The following HNRNPD variants were observed in gnomAD, a reference collection of about 807,000 sequenced individuals.
HNRNPD encodes the protein heterogeneous nuclear ribonucleoprotein D0.
HNRNPD carries 3 observed loss-of-function variants against 47.9 expected under a neutral mutation model. The observed-to-expected ratio is 0.06, with a 90% CI of 0.03 to 0.16. HNRNPD has a LOEUF of 0.16. Ranked by LOEUF, HNRNPD falls within the 10% of genes least tolerant of loss-of-function variation. HNRNPD has a pLI of 1.00. For missense variants in HNRNPD, 287 were observed against 454.2 expected (o/e 0.63, Z 3.35); for synonymous variants, 171 against 165.1 (o/e 1.04, Z -0.28).
chr4:82,360,582 T>A (rs1376027379), intron 2 of HNRNPD, among the ~76,000 whole-genome samples: 1 of 152,120 alleles, frequency 6.6e-6, no homozygotes, highest in East Asian at 1.9e-4. Flanking sequence ...TCAGAATTTG[T>A]TACATAATGG....
chr4:82,357,502 A>G, intron 4 of HNRNPD, 58 bp from the exon 5 acceptor site: 4 of 1,476,044 alleles, frequency 2.7e-6, no homozygotes, highest in Non-Finnish European at 1.8e-6. Flanking sequence ...CCTTAAAAGA[A>G]ACACAAGTTT....
chr4:82,373,526 G>A lies in HNRNPD; in HGVS notation c.153C>T (p.Thr51=). ...TGCCCCCTTCGGTGCCTCCAGACGC[G>A]GTTCCGCCCCCGGTCCCGGCTCCGC... The part of the protein sequence containing the change: ...AGSGAGTGGG[T]ASGGTEGGSA... Residue 51 remains threonine, a synonymous_variant, in exon 1 of 9, where the codon ACC becomes ACT. Coordinates refer to ENST00000313899, the MANE Select transcript of HNRNPD (RefSeq NM_031370.3). 1 of 1,542,712 alleles carries A rather than the reference G, an allele frequency of 6.5e-7. No individual in the cohort carries two copies. The highest frequency in any genetic ancestry group is 8.7e-7 in the Non-Finnish European group (1 of 1,143,646).
chr4:82,371,505 G>A (rs927953609), intron 2 of HNRNPD, 23 bp downstream of exon 2: 3 of 1,586,752 alleles, frequency 1.9e-6, no homozygotes, highest in Middle Eastern at 1.7e-4. Flanking sequence ...TTATAATACA[G>A]AAATAAAATT....
intron 2 of HNRNPD, among the ~76,000 whole-genome samples, chr4:82,366,695 T>C (rs1239389585): frequency 6.6e-6 from 1 of 151,944 alleles, no homozygotes; most frequent in Non-Finnish European, 1.5e-5. Flanking sequence ...GCCTCCTGAG[T>C]GACTACAGGC....
chr4:82,355,430 AC>A, intron 7 of HNRNPD, 29 bp from the exon 8 acceptor site: 3 of 1,523,300 alleles, frequency 2.0e-6, no homozygotes, highest in Non-Finnish European at 2.7e-6. Flanking sequence ...TAGAACCAGA[AC>A]GGTAGTGGTT....
rs1443851923 is a variant in HNRNPD at position 82,353,435 on chromosome 4, AAC to A, written c.*748_*749del. On this transcript the variant is annotated 3_prime_UTR_variant, in exon 9 of 9. Coordinates refer to ENST00000313899, the MANE Select transcript of HNRNPD (RefSeq NM_031370.3). Reference sequence around the variant, plus strand: ...AACTAGCCGCATTTCTATTATAATTAACAGATTTTAAGTCCTTTTTATTTAAT... The same window carrying A: ...AACTAGCCGCATTTCTATTATAATTAAGATTTTAAGTCCTTTTTATTTAAT... 2.0e-5 allele frequency: 3 copies of A among 152,422 alleles called. No individual in the cohort carries two copies. Among genetic ancestry groups the A allele is most frequent in the Non-Finnish European group, 4.4e-5 (3 of 68,026 alleles). 9.4% of individuals were successfully genotyped at this position (152,422 alleles called of 1,614,324 possible). A position where few individuals can be genotyped will look rare whatever the true frequency, so the allele number is the denominator to read the frequency against.
chr4:82,371,985 A>C (rs1016145877), intron 1 of HNRNPD, among the ~76,000 whole-genome samples: 3 of 152,164 alleles, frequency 2.0e-5, no homozygotes, highest in Admixed American at 2.0e-4. Flanking sequence ...GAATCTGCCT[A>C]GGCTGGGCTT....
chr4:82,365,102 GCTAGT>G (rs1719685679), intron 2 of HNRNPD, among the ~76,000 whole-genome samples: 1 of 151,936 alleles, frequency 6.6e-6, no homozygotes, highest in Non-Finnish European at 1.5e-5. Context: ...TGTTACCCAG[GCTAGT>G]CACAGAACTC....
Position 82,354,569 on chromosome 4 carries a change from AG to A in HNRNPD, c.*31-416del, listed in dbSNP as rs1320994191. The A allele has an allele frequency of 3.3e-5, 5 of 152,672 alleles. 1 individual carries two copies. Among genetic ancestry groups the A allele is most frequent in the Admixed American group, 1.3e-4 (2 of 15,280 alleles). The allele number at this position is 152,672 out of a possible 1,614,324, so 9.5% of individuals were successfully genotyped here. A position where few individuals can be genotyped will look rare whatever the true frequency, so the allele number is the denominator to read the frequency against. ...AGAAAAAGTTATCTACTGTAATTAT[AG>A]GAAGTTGTCACAACAGGAATTCAGC... On this transcript the variant is annotated intron_variant, in intron 8 of 8. Transcript: ENST00000313899.
intron 1 of HNRNPD, among the ~76,000 whole-genome samples, chr4:82,372,062 CAGT>C (rs1170569389): frequency 2.0e-5 from 3 of 152,046 alleles, no homozygotes; most frequent in South Asian, 4.1e-4. Context: ...GGCTCTTTCT[CAGT>C]AAAGGAAATC....
rs1225792229 is a variant in HNRNPD, at chr4:82,353,947, C to CA, written c.*237dup. 6.6e-6 allele frequency: 1 copy of CA among 152,626 alleles called. No individual in the cohort carries two copies. The highest frequency in any genetic ancestry group is 1.5e-5 in the Non-Finnish European group (1 of 68,028). The allele number at this position is 152,626 out of a possible 1,614,324, so 9.5% of individuals were successfully genotyped here. ...ATACTGGGGGAAAGGGCATAAAACA[C>CA]AAATTGATTCTGAAGCATAGCAATT... On this transcript the variant is annotated 3_prime_UTR_variant, in exon 9 of 9. Coordinates refer to ENST00000313899, the MANE Select transcript of HNRNPD (RefSeq NM_031370.3).
At chr4:82,363,103 G>GTCTC (rs1157033038) in intron 2 of HNRNPD, among the ~76,000 whole-genome samples, 1 of 151,398 alleles carries the variant, frequency 6.6e-6, no homozygotes, top group Non-Finnish European at 1.5e-5. Flanking sequence ...TTTAAACAGA[G>GTCTC]TCTCACTCTG....
At chr4:82,359,806 G>A (rs377299242) in intron 2 of HNRNPD, among the ~76,000 whole-genome samples, 167 bp from the exon 3 acceptor site, 2 of 151,974 alleles carry the variant, frequency 1.3e-5, no homozygotes, top group East Asian at 1.9e-4. Flanking sequence ...CCAAAAAGCT[G>A]GCTTATTACT....
rs1273322262 is a variant in HNRNPD at position 82,373,790 on chromosome 4, G to C, written c.-112C>G. On this transcript the variant is annotated 5_prime_UTR_variant, in exon 1 of 9. Transcript: ENST00000313899. Reference sequence around the variant, plus strand: ...CCGCGCGCCCGCTCTACCTCGCGAAGCACACAAGACAGGGAAGGCGCGCGC... The same window carrying C: ...CCGCGCGCCCGCTCTACCTCGCGAACCACACAAGACAGGGAAGGCGCGCGC... 1 of 1,522,866 alleles carries C rather than the reference G, an allele frequency of 6.6e-7. No individual in the cohort carries two copies. The highest frequency in any genetic ancestry group is 8.8e-7 in the Non-Finnish European group (1 of 1,141,254). The allele number at this position is 1,522,866 out of a possible 1,614,324, so 94.3% of individuals were successfully genotyped here.
At chr4:82,365,446 T>C (rs1283283971) in intron 2 of HNRNPD, among the ~76,000 whole-genome samples, 1 of 152,074 alleles carries the variant, frequency 6.6e-6, no homozygotes, top group East Asian at 1.9e-4. Flanking sequence ...AAGTCACTAG[T>C]TACCTAAGGG....
chr4:82,361,936 C>G (rs1459750878), intron 2 of HNRNPD, among the ~76,000 whole-genome samples: 2 of 152,138 alleles, frequency 1.3e-5, no homozygotes, highest in African/African-American at 2.4e-5. Flanking sequence ...TATCAATTAT[C>G]CAGAATATTA....
chr4:82,371,448 G>T, intron 2 of HNRNPD, 80 bp downstream of exon 2: 2 of 1,099,670 alleles, frequency 1.8e-6, no homozygotes, highest in Non-Finnish European at 2.7e-6. Flanking sequence ...GGATCAATGG[G>T]CAACTAACCA....
intron 7 of HNRNPD, 129 bp downstream of exon 7, chr4:82,356,408 T>A (rs1723714777): frequency 1.4e-6 from 1 of 701,276 alleles, no homozygotes; most frequent in Non-Finnish European, 2.4e-6. Flanking sequence ...TGGCTGCAGT[T>A]TCAAGTTTCC....
chr4:82,357,001 T>G (rs1215798321), intron 5 of HNRNPD, 106 bp from the exon 6 acceptor site: 3 of 976,298 alleles, frequency 3.1e-6, no homozygotes, highest in South Asian at 1.4e-5. Context: ...AGTAGGCTAA[T>G]TTGAAACTTT....
Sources: gnomAD v4.1 joint callset for allele counts (sites outside exome capture counted in the v4.1 genomes callset) on GRCh38, gnomAD v4.1.1 for gene constraint, MANE v1.5 for transcripts, NCBI Gene and HGNC (gene_info 2026-07-23, HGNC 2026-07-21) for gene names.